TRIM5: variants seen among roughly 807,000 people sequenced by gnomAD.
TRIM5 encodes tripartite motif containing 5, also known as tripartite motif-containing protein 5.
A neutral mutation model predicts 35.6 loss-of-function variants in TRIM5; 31 were observed. That is an observed-to-expected ratio of 0.87 (90% CI 0.65 to 1.18). The LOEUF (loss-of-function observed/expected upper bound fraction) is 1.18. Among genes scored for constraint, TRIM5 ranks in the 50% most tolerant of loss-of-function variants. The pLI, the probability that TRIM5 is intolerant of heterozygous loss-of-function variation, is 0.00. For missense variants in TRIM5, 609 were observed against 591.6 expected, an observed-to-expected ratio of 1.03 and a Z score of -0.31; for synonymous variants, 243 against 215.6, an observed-to-expected ratio of 1.13 and a Z score of -1.11.
the TRIM5 span, among the ~76,000 whole-genome samples, chr11:5,633,152 T>C: frequency 2.8e-4 from 41 of 147,834 alleles, no homozygotes; most frequent in African/African-American, 8.9e-4. Context: ...CTTTCTTTTT[T>C]TTTTTTTTTT....
chr11:5,649,595 AGTGGCTGG>A, the TRIM5 span, among the ~76,000 whole-genome samples: 1 of 152,156 alleles, frequency 6.6e-6, no homozygotes, highest in Admixed American at 6.5e-5. Flanking sequence ...GAGCACCCAA[AGTGGCTGG>A]GTGGCTGTCT....
the TRIM5 span, among the ~76,000 whole-genome samples, chr11:5,635,043 T>C: frequency 7.4e-4 from 113 of 152,236 alleles, 1 homozygote; most frequent in Admixed American, 1.6e-3. Flanking sequence ...GGAATACATT[T>C]TACCTTGCAG....
At chr11:5,626,292 G>C in the TRIM5 span, among the ~76,000 whole-genome samples, 33 of 152,196 alleles carry the variant, frequency 2.2e-4, no homozygotes, top group African/African-American at 8.0e-4. Context: ...CATCCAAATA[G>C]AAAGTGATCA....
At chr11:5,653,487 G>GTT in the TRIM5 span, among the ~76,000 whole-genome samples, 1 of 140,222 alleles carries the variant, frequency 7.1e-6, no homozygotes, top group Admixed American at 7.2e-5. Context: ...ATTTTTTTTT[G>GTT]TTTTTTTTGT....
Position 5,664,324 on chromosome 11 carries a change from A to C in TRIM5, c.*485T>G. On this transcript the variant is annotated 3_prime_UTR_variant, in exon 8 of 8. Coordinates refer to ENST00000380034, the MANE Select transcript of TRIM5 (RefSeq NM_033034.3). ...AGTTGAACTGAGATCCTCTAGATAC[A>C]AAACCTCTATACTTAAGAGTATACC... 1.0e-6 allele frequency: 1 copy of C among 987,216 alleles called. No homozygotes were observed. The highest frequency in any genetic ancestry group is 1.2e-6 in the Non-Finnish European group (1 of 831,100). The allele number at this position is 987,216 out of a possible 1,614,324, so 61.2% of individuals were successfully genotyped here.
At chr11:5,611,658 G>C in the TRIM5 span, 8 of 250,388 alleles carry the variant, frequency 3.2e-5, no homozygotes, top group Non-Finnish European at 6.2e-5. Flanking sequence ...TCACCGTGTT[G>C]GCCAGGCTGA....
chr11:5,604,294 G>A, the TRIM5 span, among the ~76,000 whole-genome samples: 12 of 152,286 alleles, frequency 7.9e-5, no homozygotes, highest in East Asian at 1.9e-4. Flanking sequence ...GATTACAGGC[G>A]TGAGCCACAG....
chr11:5,650,389 T>C, the TRIM5 span, among the ~76,000 whole-genome samples: 1 of 152,224 alleles, frequency 6.6e-6, no homozygotes, highest in Non-Finnish European at 1.5e-5. Context: ...AGGGCTTTCC[T>C]TCAAGGGGTA....
At chr11:5,646,790 C>T in the TRIM5 span, among the ~76,000 whole-genome samples, 2 of 152,160 alleles carry the variant, frequency 1.3e-5, no homozygotes, top group African/African-American at 2.4e-5. Flanking sequence ...AAAATGTACT[C>T]GTGTCCACTT....
intron 4 of TRIM5, among the ~76,000 whole-genome samples, chr11:5,672,884 T>G (rs1003442422): frequency 6.6e-6 from 1 of 151,984 alleles, no homozygotes; most frequent in Admixed American, 6.5e-5. Context: ...AGATGCATAT[T>G]GTAATCATTA....
chr11:5,676,709 A>G (rs1225242973), intron 4 of TRIM5, among the ~76,000 whole-genome samples: 1 of 149,682 alleles, frequency 6.7e-6, no homozygotes. Context: ...ACTATACTAC[A>G]AGGCTACAGT....
intron 4 of TRIM5, among the ~76,000 whole-genome samples, chr11:5,673,627 C>A (rs185612415): frequency 3.9e-5 from 6 of 152,210 alleles, no homozygotes; most frequent in Admixed American, 1.3e-4. Flanking sequence ...AATACATATT[C>A]TTTTCAAATG....
chr11:5,658,697 TAGAA>T (rs1487632158), downstream of TRIM5, among the ~76,000 whole-genome samples: 1 of 152,194 alleles, frequency 6.6e-6, no homozygotes, highest in Non-Finnish European at 1.5e-5. Flanking sequence ...GAAGTTTTGT[TAGAA>T]AGAGTACAGT....
chr11:5,661,041 C>CAAAAAAAA (rs61394016), downstream of TRIM5, among the ~76,000 whole-genome samples: 9 of 37,142 alleles, frequency 2.4e-4, no homozygotes, highest in Admixed American at 5.2e-4. Flanking sequence ...GACTCCGTCT[C>CAAAAAAAA]AAAAAAAAAA....
At chr11:5,597,328 T>G in the TRIM5 span, among the ~76,000 whole-genome samples, 2 of 152,214 alleles carry the variant, frequency 1.3e-5, no homozygotes. Context: ...TGGTCATTAT[T>G]ACTGGCAAAC....
At chr11:5,647,543 G>T in the TRIM5 span, among the ~76,000 whole-genome samples, 2 of 151,980 alleles carry the variant, frequency 1.3e-5, no homozygotes, top group African/African-American at 4.8e-5. Flanking sequence ...ATTTTTTTGA[G>T]ACAAAGTCTC....
At chr11:5,600,157 G>A in the TRIM5 span, among the ~76,000 whole-genome samples, 115 of 152,236 alleles carry the variant, frequency 7.6e-4, no homozygotes, top group Non-Finnish European at 8.1e-4. Flanking sequence ...ATGGAGATGA[G>A]GAATATAAGG....
the TRIM5 span, chr11:5,604,629 G>A: frequency 1.2e-6 from 2 of 1,610,418 alleles, no homozygotes; most frequent in Non-Finnish European, 8.5e-7. Context: ...CATCCTGGAA[G>A]GCAAGGGAGA....
intron 6 of TRIM5, 44 bp downstream of exon 6, chr11:5,665,937 C>G: frequency 6.4e-7 from 1 of 1,567,162 alleles, no homozygotes; most frequent in Non-Finnish European, 8.7e-7. Flanking sequence ...CACCCTAACA[C>G]CACTTGAATT....
Sources: allele counts gnomAD v4.1 joint callset (sites outside exome capture counted in the v4.1 genomes callset), GRCh38; gene constraint gnomAD v4.1.1; transcripts MANE v1.5; gene names NCBI Gene and HGNC (gene_info 2026-07-23, HGNC 2026-07-21).